The following SLC9A9 variants were observed in gnomAD, a reference collection of about 807,000 sequenced individuals.
The protein encoded by SLC9A9 is solute carrier family 9 member A9.
A neutral mutation model predicts 77.8 loss-of-function variants in SLC9A9; 62 were observed. The observed-to-expected ratio is 0.80, with a 90% CI of 0.65 to 0.98. The LOEUF is 0.98. Ranked by LOEUF, SLC9A9 falls within the 50% of genes least tolerant of loss-of-function variation. The pLI, the probability that SLC9A9 is intolerant of heterozygous loss-of-function variation, is 0.00. For synonymous variants in SLC9A9, 320 were observed against 283.5 expected, an observed-to-expected ratio of 1.13 and a Z score of -1.29; for missense variants, 775 against 774.9, an observed-to-expected ratio of 1.00 and a Z score of 0.00.
chr3:143,812,828 T>C (rs1432319504), intron 2 of SLC9A9, among the ~76,000 whole-genome samples: 1 of 152,192 alleles, frequency 6.6e-6, no homozygotes, highest in Non-Finnish European at 1.5e-5. Flanking sequence ...GCCCCATCAT[T>C]GACCTAAAAA....
chr3:143,731,351 C>G (rs984741118), intron 4 of SLC9A9, among the ~76,000 whole-genome samples: 1 of 152,198 alleles, frequency 6.6e-6, no homozygotes, highest in Admixed American at 6.5e-5. Context: ...ATATACACAC[C>G]TAACTAAGGT....
Position 143,795,031 on chromosome 3 carries a change from A to C in SLC9A9, c.503T>G (p.Leu168Trp). The C allele has an allele frequency of 6.2e-7, 1 of 1,613,890 alleles. No homozygotes were observed. Among genetic ancestry groups the C allele is most frequent in the East Asian group, 2.2e-5 (1 of 44,890 alleles). The change falls in exon 4 of 16, where the codon TTG becomes TGG. Residue 168 changes from leucine (L) to tryptophan (W), a missense_variant. Leu to Trp is a moderately conservative substitution (Grantham distance 61, BLOSUM62 -2). Coordinates refer to ENST00000316549, the MANE Select transcript of SLC9A9 (RefSeq NM_173653.4). ...GACGATGCAGGAGATGGCAGTTCCC[A>C]AGAAGGCATACGTTAAAATAGATCC... ...NLGSILTYAFLGTAISCIVIG... is the reference protein window; with the variant it reads ...NLGSILTYAFWGTAISCIVIG...
chr3:143,530,674 C>CA (rs77309463), intron 9 of SLC9A9, among the ~76,000 whole-genome samples: 17 of 122,308 alleles, frequency 1.4e-4, no homozygotes, highest in African/African-American at 4.4e-4. Context: ...AACAAACAAA[C>CA]AAAAACCAAA....
intron 4 of SLC9A9, among the ~76,000 whole-genome samples, chr3:143,711,730 G>A (rs567869728): frequency 3.9e-5 from 6 of 152,062 alleles, no homozygotes; most frequent in South Asian, 4.2e-4. Flanking sequence ...AGGCCAAAAC[G>A]TTTACTCTTA....
intron 4 of SLC9A9, among the ~76,000 whole-genome samples, chr3:143,779,690 G>A (rs1456362652): frequency 1.3e-5 from 2 of 152,160 alleles, no homozygotes; most frequent in Non-Finnish European, 2.9e-5. Flanking sequence ...GTTTTAAAAT[G>A]CATAAAGTAT....
intron 2 of SLC9A9, among the ~76,000 whole-genome samples, chr3:143,814,753 G>A (rs1324735001): frequency 1.3e-5 from 2 of 152,120 alleles, no homozygotes; most frequent in African/African-American, 2.4e-5. Context: ...GGGAGGAGCC[G>A]ACTCTACCTT....
chr3:143,817,376 C>T (rs1425735386), intron 2 of SLC9A9, among the ~76,000 whole-genome samples: 1 of 151,358 alleles, frequency 6.6e-6, no homozygotes, highest in Non-Finnish European at 1.5e-5. Context: ...TCTCGATCTC[C>T]TGACCTCATG....
intron 1 of SLC9A9, among the ~76,000 whole-genome samples, chr3:143,835,471 A>G (rs1310187620): frequency 6.6e-6 from 1 of 152,260 alleles, no homozygotes; most frequent in Non-Finnish European, 1.5e-5. Context: ...GTCAGAGGCT[A>G]CTTACCCATA....
chr3:143,805,534 G>A (rs902614895), intron 2 of SLC9A9, among the ~76,000 whole-genome samples: 2 of 152,034 alleles, frequency 1.3e-5, no homozygotes, highest in Non-Finnish European at 2.9e-5. Flanking sequence ...TCACTTATAC[G>A]TCCAGATGGC....
intron 7 of SLC9A9, among the ~76,000 whole-genome samples, chr3:143,575,079 T>C (rs1467423011): frequency 2.0e-5 from 3 of 152,176 alleles, no homozygotes; most frequent in African/African-American, 7.2e-5. Flanking sequence ...AAAAGAACAT[T>C]TTATTCTGAT....
chr3:143,291,303 C>T (rs563436224), intron 14 of SLC9A9, among the ~76,000 whole-genome samples: 1 of 152,280 alleles, frequency 6.6e-6, no homozygotes, highest in African/African-American at 2.4e-5. Flanking sequence ...AGTGCTAAGC[C>T]GATGAGACTT....
intron 13 of SLC9A9, among the ~76,000 whole-genome samples, chr3:143,364,068 C>G (rs1347167744): frequency 1.3e-5 from 2 of 151,850 alleles, no homozygotes; most frequent in African/African-American, 4.8e-5. Context: ...AATAGATATT[C>G]CTGATAAGAA....
chr3:143,292,715 C>G (rs1458560520), intron 14 of SLC9A9, among the ~76,000 whole-genome samples: 1 of 152,122 alleles, frequency 6.6e-6, no homozygotes, highest in South Asian at 2.1e-4. Flanking sequence ...GTATTATACT[C>G]TCTAAGATGG....
Position 143,281,906 on chromosome 3 carries a change from C to T in SLC9A9, c.1605-12926G>A, listed in dbSNP as rs188856301. Among the ~76,000 whole-genome samples the T allele has an allele frequency of 1.1e-4, 17 of 152,320 alleles. 1 individual carries two copies. The highest frequency in any genetic ancestry group is 2.9e-4 in the African/African-American group (12 of 41,576). On this transcript the variant is annotated intron_variant, in intron 14 of 15. Coordinates refer to ENST00000316549, the MANE Select transcript of SLC9A9 (RefSeq NM_173653.4). ...CCTGCCCCACTTACCTTTCCTATCT[C>T]ATTCCCCACACCGTTTCACAAACTT...
rs563698923 is a variant in SLC9A9 at position 143,506,067 on chromosome 3, A to T, written c.1090-10619T>A. Among the ~76,000 whole-genome samples the T allele has an allele frequency of 2.0e-5, 3 of 152,342 alleles. No individual in the cohort carries two copies. The South Asian group carries it at 6.2e-4, about 32-fold the overall frequency. ...TTAAGTTAATATACATAAAGTTAAG[A>T]ATAGCTTCTCATGTTGGCACCTTGA... On this transcript the variant is annotated intron_variant, in intron 9 of 15. Coordinates refer to ENST00000316549, the MANE Select transcript of SLC9A9 (RefSeq NM_173653.4).
chr3:143,665,111 AG>A (rs1299531388), intron 5 of SLC9A9, among the ~76,000 whole-genome samples: 13 of 152,250 alleles, frequency 8.5e-5, no homozygotes, highest in African/African-American at 3.1e-4. Flanking sequence ...CAAATGTAAA[AG>A]AACAGAAATT....
chr3:143,549,764 A>T (rs898353805), intron 9 of SLC9A9, among the ~76,000 whole-genome samples: 14 of 152,174 alleles, frequency 9.2e-5, no homozygotes, highest in African/African-American at 3.4e-4. Context: ...TCTGCTGAGC[A>T]GTCTAGATAG....
intron 5 of SLC9A9, among the ~76,000 whole-genome samples, chr3:143,655,307 A>C (rs1251826987): frequency 6.6e-6 from 1 of 152,212 alleles, no homozygotes; most frequent in African/African-American, 2.4e-5. Flanking sequence ...CACACCTTGC[A>C]AGGCTGGTAA....
intron 12 of SLC9A9, among the ~76,000 whole-genome samples, chr3:143,453,038 G>T (rs527993128): frequency 6.6e-6 from 1 of 151,946 alleles, no homozygotes; most frequent in Non-Finnish European, 1.5e-5. Context: ...AGGCAAGAAT[G>T]CGAAGTGAGC....
Sources: gnomAD v4.1 joint callset for allele counts (sites outside exome capture counted in the v4.1 genomes callset) on GRCh38, gnomAD v4.1.1 for gene constraint, MANE v1.5 for transcripts, NCBI Gene and HGNC (gene_info 2026-07-23, HGNC 2026-07-21) for gene names.